Variants in ACACA observed in about 807,000 individuals in gnomAD.
The protein encoded by ACACA is acetyl-CoA carboxylase 1.
In ACACA, 103 loss-of-function variants were observed where a neutral mutation model predicts 296.1. The ratio of observed to expected loss-of-function variants is 0.35; its 90% confidence interval spans 0.30 to 0.41. The LOEUF (loss-of-function observed/expected upper bound fraction) is 0.41, where lower values mean the gene tolerates loss of function less well. Among genes scored for constraint, ACACA ranks in the 10% least tolerant of loss-of-function variants. The pLI is 1.00. For missense variants in ACACA, 1,554 were observed against 2,989.7 expected (o/e 0.52, Z 11.20); for synonymous variants, 953 against 1,038.6 (o/e 0.92, Z 1.58).
At chr17:37,345,547 A>G (rs1232818588) in intron 1 of ACACA, among the ~76,000 whole-genome samples, 1 of 152,206 alleles carries the variant, frequency 6.6e-6, no homozygotes, top group African/African-American at 2.4e-5. Flanking sequence ...AAAAACTTCA[A>G]CATGAAAGAC....
At chr17:37,141,998 T>G (rs554437054) in intron 45 of ACACA, among the ~76,000 whole-genome samples, 152 of 118,854 alleles carry the variant, frequency 1.3e-3, no homozygotes, top group African/African-American at 4.5e-3. Flanking sequence ...GCCAAGTTTT[T>G]TTTGTTTTTT....
At chr17:37,207,283 T>C (rs147103613) in intron 31 of ACACA, among the ~76,000 whole-genome samples, 132 of 152,336 alleles carry the variant, frequency 8.7e-4, no homozygotes, top group African/African-American at 3.0e-3. Flanking sequence ...AAGAGATAGA[T>C]GCTGAATGCA....
chr17:37,296,403 T>TCA (rs574101046), intron 3 of ACACA, among the ~76,000 whole-genome samples: 53 of 150,574 alleles, frequency 3.5e-4, no homozygotes, highest in Middle Eastern at 6.8e-3. Flanking sequence ...CCTCCTGGGT[T>TCA]CACACCATTC....
At chr17:37,350,974 A>C (rs1300653458) in intron 1 of ACACA, among the ~76,000 whole-genome samples, 4 of 149,730 alleles carry the variant, frequency 2.7e-5, no homozygotes, top group Non-Finnish European at 5.9e-5. Context: ...CTCTATTAAA[A>C]ATACAAAAAT....
chr17:37,247,982 C>T lies in ACACA; in HGVS notation c.2309+29G>A, dbSNP rs777144577. ...TAAGAGAAAAGGCTAACAGGATGAC[C>T]AGCAAATGGACCTCAAACAGCCACT... On this transcript the variant is annotated intron_variant, in intron 18 of 55. Transcript: ENST00000616317. The T allele has an allele frequency of 1.2e-5, 19 of 1,613,438 alleles. No homozygotes were observed. The South Asian group carries it at 2.1e-4, about 18-fold the overall frequency.
At chr17:37,200,210 G>A in intron 34 of ACACA, 27 bp from the exon 35 acceptor site, 1 of 1,590,752 alleles carries the variant, frequency 6.3e-7, no homozygotes, top group African/African-American at 1.3e-5. Context: ...AGAAAGGAAG[G>A]AAAGACAGCA....
chr17:37,282,395 T>G (rs887044906), intron 5 of ACACA, among the ~76,000 whole-genome samples: 2 of 152,236 alleles, frequency 1.3e-5, no homozygotes, highest in Non-Finnish European at 2.9e-5. Flanking sequence ...ACCTCTTTTC[T>G]TTACAAATTA....
chr17:37,125,999 A>G (rs1314891005), intron 47 of ACACA, among the ~76,000 whole-genome samples: 1 of 152,212 alleles, frequency 6.6e-6, no homozygotes, highest in Non-Finnish European at 1.5e-5. Context: ...TAGTCTGCAT[A>G]AAAAGAATCA....
intron 1 of ACACA, among the ~76,000 whole-genome samples, chr17:37,405,553 C>CCTTTT (rs1295926955): frequency 6.6e-6 from 1 of 152,004 alleles, no homozygotes; most frequent in African/African-American, 2.4e-5. Context: ...GTTTTTCTTT[C>CCTTTT]CTTTTCTTTT....
intron 1 of ACACA, among the ~76,000 whole-genome samples, chr17:37,401,181 T>G (rs1383144496): frequency 1.3e-5 from 2 of 151,544 alleles, no homozygotes; most frequent in Non-Finnish European, 2.9e-5. Context: ...TTGCATGTCT[T>G]TTTCTTTTGT....
chr17:37,096,666 T>C (rs1369864118), intron 54 of ACACA, among the ~76,000 whole-genome samples: 1 of 152,168 alleles, frequency 6.6e-6, no homozygotes, highest in Non-Finnish European at 1.5e-5. Flanking sequence ...CCCCTCTAGA[T>C]GGTGAGCTCT....
intron 14 of ACACA, 145 bp downstream of exon 14, chr17:37,257,558 A>G: frequency 1.4e-6 from 1 of 731,812 alleles, no homozygotes; most frequent in Non-Finnish European, 2.3e-6. Flanking sequence ...ATGCAAGTGT[A>G]ATTAAAGATA....
chr17:37,240,082 C>T (rs909245950), intron 24 of ACACA, among the ~76,000 whole-genome samples: 18 of 152,298 alleles, frequency 1.2e-4, no homozygotes, highest in African/African-American at 4.3e-4. Flanking sequence ...TCCTAGATGC[C>T]TCTGGTTCAA....
chr17:37,202,668 CATATATATATATATATATATAT>C (rs1179497445), intron 33 of ACACA, among the ~76,000 whole-genome samples: 2 of 71,188 alleles, frequency 2.8e-5, no homozygotes, highest in Non-Finnish European at 5.9e-5. Flanking sequence ...CCTTTTCTTT[CATATATATATATATATATATAT>C]ATATATATAT....
intron 1 of ACACA, among the ~76,000 whole-genome samples, chr17:37,369,852 C>T (rs946192858): frequency 1.2e-4 from 18 of 151,704 alleles, no homozygotes; most frequent in African/African-American, 3.9e-4. Flanking sequence ...ATTACAGGTG[C>T]GTACCACCAC....
In ACACA at chr17:37,310,312, T is replaced by C. The variant is rs573534890; in HGVS notation, c.338+19861A>G. 2.0e-5 allele frequency among the ~76,000 whole-genome samples: 3 copies of C among 152,076 alleles called. No individual in the cohort carries two copies. In the East Asian group the frequency reaches 5.8e-4, roughly 29 times the overall value. ...GTGCTATTTAGTGAGATGTGGAAGA[T>C]TGGGGGAGGATCAAATTTATGAAGA... On this transcript the variant is annotated intron_variant, in intron 3 of 55. Coordinates refer to ENST00000616317, the MANE Select transcript of ACACA (RefSeq NM_198834.3).
In ACACA at chr17:37,087,238, T is replaced by TC; in HGVS notation, c.*77_*78insG. 2 of 1,595,558 alleles carry TC rather than the reference T, an allele frequency of 1.3e-6. No individual in the cohort carries two copies. Among genetic ancestry groups the TC allele is most frequent in the Non-Finnish European group, 1.7e-6 (2 of 1,164,862 alleles). On this transcript the variant is annotated 3_prime_UTR_variant, in exon 56 of 56. Coordinates refer to ENST00000616317, the MANE Select transcript of ACACA (RefSeq NM_198834.3). The stretch of plus-strand genomic sequence containing the variant: ...GTGCTGGGTCTCCTGTGCCTTCTCA[T>TC]TACAGTGGTTACAGTTGTAAAAGGC...
At chr17:37,359,109 C>T (rs532837241) in intron 1 of ACACA, 5 of 985,526 alleles carry the variant, frequency 5.1e-6, no homozygotes, top group Non-Finnish European at 6.0e-6. Flanking sequence ...GCGTGCAGCA[C>T]CAGGCCGGCC....
intron 5 of ACACA, among the ~76,000 whole-genome samples, chr17:37,281,632 C>T (rs902398981): frequency 3.3e-5 from 5 of 152,066 alleles, no homozygotes; most frequent in South Asian, 4.2e-4. Flanking sequence ...CTTTGGGAGG[C>T]CAAGGCAGGT....
Sources: gnomAD v4.1 joint callset for allele counts (sites outside exome capture counted in the v4.1 genomes callset) on GRCh38, gnomAD v4.1.1 for gene constraint, MANE v1.5 for transcripts, NCBI Gene and HGNC (gene_info 2026-07-23, HGNC 2026-07-21) for gene names.